PIP5K1B: variants seen among roughly 807,000 people sequenced by gnomAD.
The protein encoded by PIP5K1B is phosphatidylinositol 4-phosphate 5-kinase type-1 beta.
Under a neutral mutation model 67.0 loss-of-function variants are expected in PIP5K1B, and 42 were observed. The observed-to-expected ratio is 0.63, with a 90% CI of 0.49 to 0.81. The LOEUF (loss-of-function observed/expected upper bound fraction) is 0.81, where lower values mean the gene tolerates loss of function less well. PIP5K1B is among the 30% of genes least tolerant of loss of function. The pLI is 0.00. For missense variants in PIP5K1B, 459 were observed against 646.3 expected, an observed-to-expected ratio of 0.71 and a Z score of 3.14; for synonymous variants, 214 against 231.4, an observed-to-expected ratio of 0.92 and a Z score of 0.68.
chr9:68,869,700 G>A (rs1429313484), intron 5 of PIP5K1B, among the ~76,000 whole-genome samples: 1 of 152,170 alleles, frequency 6.6e-6, no homozygotes. Flanking sequence ...TGCCAAGGCT[G>A]GCTGCAGTGG....
At chr9:68,839,074 G>A (rs1268069376) in intron 4 of PIP5K1B, among the ~76,000 whole-genome samples, 2 of 152,178 alleles carry the variant, frequency 1.3e-5, no homozygotes, top group South Asian at 4.1e-4. Context: ...CTTTTTGCAA[G>A]TTATTTTGGG....
chr9:68,972,718 G>A (rs1829444147), intron 14 of PIP5K1B, among the ~76,000 whole-genome samples: 1 of 152,074 alleles, frequency 6.6e-6, no homozygotes, highest in African/African-American at 2.4e-5. Context: ...CTAAATGCTG[G>A]TTGTTAAGCC....
intron 2 of PIP5K1B, chr9:68,784,040 C>T (rs1209601926): frequency 1.2e-5 from 2 of 167,096 alleles, no homozygotes; most frequent in Non-Finnish European, 2.9e-5. Flanking sequence ...CATGTTCTCT[C>T]CTATTTTAGA....
At chr9:68,923,672 T>C (rs1469366773) in intron 12 of PIP5K1B, among the ~76,000 whole-genome samples, 1 of 152,210 alleles carries the variant, frequency 6.6e-6, no homozygotes, top group East Asian at 1.9e-4. Context: ...CCAATAAAAA[T>C]GATGTGTTAG....
intron 1 of PIP5K1B, among the ~76,000 whole-genome samples, chr9:68,711,864 G>A (rs1827410235): frequency 6.6e-6 from 1 of 152,186 alleles, no homozygotes; most frequent in Admixed American, 6.5e-5. Flanking sequence ...GTTTGGTTCA[G>A]GGTACAGAGA....
intron 2 of PIP5K1B, chr9:68,780,779 A>C: frequency 6.2e-7 from 1 of 1,614,220 alleles, no homozygotes; most frequent in Non-Finnish European, 8.5e-7. Flanking sequence ...TGAAAAGAAA[A>C]TGTGAAATGG....
At chr9:68,790,593 C>T (rs908561964) in intron 2 of PIP5K1B, among the ~76,000 whole-genome samples, 1 of 138,770 alleles carries the variant, frequency 7.2e-6, no homozygotes, top group Non-Finnish European at 1.6e-5. Flanking sequence ...CGCACATGAG[C>T]GCGCACACAC....
At chr9:68,854,356 C>CT (rs1822661540) in intron 4 of PIP5K1B, among the ~76,000 whole-genome samples, 1 of 152,016 alleles carries the variant, frequency 6.6e-6, no homozygotes, top group Non-Finnish European at 1.5e-5. Context: ...TCTCATACTC[C>CT]TAGGCCCAGG....
chr9:68,999,066 G>A (rs142753327), intron 15 of PIP5K1B, among the ~76,000 whole-genome samples: 100 of 152,224 alleles, frequency 6.6e-4, no homozygotes, highest in Non-Finnish European at 1.2e-3. Flanking sequence ...CCCTCTTTTA[G>A]CCTCTGGTGG....
intron 5 of PIP5K1B, among the ~76,000 whole-genome samples, chr9:68,868,852 G>A (rs1374463069): frequency 6.6e-6 from 1 of 152,204 alleles, no homozygotes; most frequent in African/African-American, 2.4e-5. Flanking sequence ...TTACCCTGAT[G>A]TAAAGATCAT....
Position 68,845,834 on chromosome 9 carries a change from A to G in PIP5K1B, c.70-18003A>G, listed in dbSNP as rs142523296. Among the ~76,000 whole-genome samples, 1,442 of 152,362 alleles carry G rather than the reference A, an allele frequency of 9.5e-3. 21 individuals carry two copies. The highest frequency in any genetic ancestry group is 0.033 in the African/African-American group (1,366 of 41,594). On this transcript the variant is annotated intron_variant, in intron 4 of 15. Coordinates refer to ENST00000265382, the MANE Select transcript of PIP5K1B (RefSeq NM_003558.4). ...AACTTGAAAGTATGCATAATATTCAAAATTATCCCCCACCTTCAGTGCTTT... is the reference window on the plus strand; with the variant it reads ...AACTTGAAAGTATGCATAATATTCAGAATTATCCCCCACCTTCAGTGCTTT...
rs10573153 is a variant in PIP5K1B, at chr9:68,969,367, C to CAA, written c.1503-21752_1503-21751dup. Among the ~76,000 whole-genome samples the CAA allele has an allele frequency of 5.7e-4, 48 of 84,114 alleles. 1 individual carries two copies. Among genetic ancestry groups the CAA allele is most frequent in the Admixed American group, 4.4e-4 (3 of 6,852 alleles). The allele number at this position is 84,114 out of a possible 152,430, so 55.2% of individuals were successfully genotyped here. On this transcript the variant is annotated intron_variant, in intron 14 of 15. Coordinates refer to ENST00000265382, the MANE Select transcript of PIP5K1B (RefSeq NM_003558.4). ...TGGGCAACAGAGCGAGACTCCACCT[C>CAA]AAAAAAAAAAAAAAAAAAAAAACTG...
At chr9:68,849,861 C>T (rs941408876) in intron 4 of PIP5K1B, among the ~76,000 whole-genome samples, 1 of 152,068 alleles carries the variant, frequency 6.6e-6, no homozygotes, top group Non-Finnish European at 1.5e-5. Context: ...TACAATTTAC[C>T]TTTCTAAATT....
At chr9:68,752,863 T>C (rs1829705364) in intron 2 of PIP5K1B, among the ~76,000 whole-genome samples, 1 of 152,244 alleles carries the variant, frequency 6.6e-6, no homozygotes, top group African/African-American at 2.4e-5. Context: ...TTCAGTTTTG[T>C]GAAACAAAGA....
intron 7 of PIP5K1B, among the ~76,000 whole-genome samples, chr9:68,893,525 G>T (rs1444879331): frequency 2.6e-5 from 4 of 151,740 alleles, no homozygotes; most frequent in African/African-American, 9.7e-5. Flanking sequence ...GTAGAGACAG[G>T]GTTTCACCAT....
chr9:68,939,082 G>A (rs370106728), intron 13 of PIP5K1B, among the ~76,000 whole-genome samples: 3 of 152,176 alleles, frequency 2.0e-5, no homozygotes, highest in African/African-American at 7.2e-5. Context: ...ATGTCTGCAG[G>A]CCCCACAACA....
At chr9:68,870,260 G>A (rs11144074) in intron 5 of PIP5K1B, among the ~76,000 whole-genome samples, 14,433 of 152,244 alleles carry the variant, frequency 0.095, 850 homozygotes, top group Non-Finnish European at 0.14. Flanking sequence ...TGCACTGTTT[G>A]GTTGGGGAAT....
chr9:68,709,911 G>C (rs1827303904), intron 1 of PIP5K1B, among the ~76,000 whole-genome samples: 2 of 152,136 alleles, frequency 1.3e-5, no homozygotes, highest in African/African-American at 4.8e-5. Context: ...CCTTGTCTCA[G>C]AAAAGAAAGG....
At chr9:68,742,277 G>A (rs953016507) in intron 1 of PIP5K1B, 6 of 152,310 alleles carry the variant, frequency 3.9e-5, no homozygotes, top group African/African-American at 1.2e-4. Context: ...GTTCTAAACA[G>A]CTGAGTTTTG....
Sources: gnomAD v4.1 joint callset for allele counts (sites outside exome capture counted in the v4.1 genomes callset) on GRCh38, gnomAD v4.1.1 for gene constraint, MANE v1.5 for transcripts, NCBI Gene and HGNC (gene_info 2026-07-23, HGNC 2026-07-21) for gene names.